The following ST6GALNAC3 variants were observed in gnomAD, a reference collection of about 807,000 sequenced individuals.
ST6GALNAC3 encodes alpha-N-acetylgalactosaminide alpha-2,6-sialyltransferase 3.
A neutral mutation model predicts 32.7 loss-of-function variants in ST6GALNAC3; 25 were observed. That is an observed-to-expected ratio of 0.76 (90% CI 0.56 to 1.07). ST6GALNAC3 has a LOEUF of 1.07. ST6GALNAC3 is among the 50% of genes least tolerant of loss of function. The pLI, the probability that ST6GALNAC3 is intolerant of heterozygous loss-of-function variation, is 0.00. For missense variants in ST6GALNAC3, 355 were observed against 382.4 expected, an observed-to-expected ratio of 0.93 and a Z score of 0.60; for synonymous variants, 129 against 133.1, an observed-to-expected ratio of 0.97 and a Z score of 0.21.
intron 1 of ST6GALNAC3, among the ~76,000 whole-genome samples, chr1:76,167,585 A>G (rs1652203812): frequency 6.6e-6 from 1 of 152,152 alleles, no homozygotes. Context: ...ATCTATGTAC[A>G]TCTGGTGGAA....
rs151254566 is a variant in ST6GALNAC3 at position 76,629,148 on chromosome 1, A to C, written c.*342A>C. On this transcript the variant is annotated 3_prime_UTR_variant, in exon 5 of 5. Transcript: ENST00000328299. The stretch of plus-strand genomic sequence containing the variant: ...AGCTGCCTAGAATTGTTCAACAGTG[A>C]GTAACTTCCAGAAGCCAAAAGAGTT... 2.2e-4 allele frequency: 225 copies of C among 1,030,946 alleles called. 1 individual carries two copies. The African/African-American group carries it at 3.6e-3, about 17-fold the overall frequency. The allele number at this position is 1,030,946 out of a possible 1,614,324, so 63.9% of individuals were successfully genotyped here.
chr1:76,608,136 A>G (rs1017893243), intron 3 of ST6GALNAC3, among the ~76,000 whole-genome samples: 3 of 152,234 alleles, frequency 2.0e-5, no homozygotes, highest in East Asian at 1.9e-4. Context: ...TCCCAAGCCA[A>G]TGAGGTATCT....
intron 1 of ST6GALNAC3, among the ~76,000 whole-genome samples, chr1:76,226,086 A>C (rs1408091168): frequency 6.6e-6 from 1 of 152,198 alleles, no homozygotes; most frequent in Non-Finnish European, 1.5e-5. Flanking sequence ...TTTTCCGTCC[A>C]GATAGATGAA....
chr1:76,347,634 A>T (rs1304037663), intron 2 of ST6GALNAC3, among the ~76,000 whole-genome samples: 2 of 152,080 alleles, frequency 1.3e-5, no homozygotes, highest in Non-Finnish European at 2.9e-5. Context: ...GCTACTCCTG[A>T]TGATATTGAC....
intron 3 of ST6GALNAC3, among the ~76,000 whole-genome samples, chr1:76,554,206 A>C (rs1664790132): frequency 6.6e-6 from 1 of 152,188 alleles, no homozygotes; most frequent in African/African-American, 2.4e-5. Context: ...AACAGCAACA[A>C]TTCATGTAGT....
chr1:76,257,510 T>G (rs963297072), intron 1 of ST6GALNAC3, among the ~76,000 whole-genome samples: 1 of 152,174 alleles, frequency 6.6e-6, no homozygotes, highest in African/African-American at 2.4e-5. Flanking sequence ...TGGTCGGGTT[T>G]GAAAAGCACT....
chr1:76,569,335 T>G (rs1443253021), intron 3 of ST6GALNAC3, among the ~76,000 whole-genome samples: 1 of 147,058 alleles, frequency 6.8e-6, no homozygotes, highest in African/African-American at 2.7e-5. Flanking sequence ...GATTTCAGCT[T>G]GGCAAAAATG....
At chr1:76,325,601 TTAGC>T (rs1233469054) in intron 2 of ST6GALNAC3, among the ~76,000 whole-genome samples, 2 of 150,938 alleles carry the variant, frequency 1.3e-5, no homozygotes, top group East Asian at 4.0e-4. Flanking sequence ...TTGAAGAAAG[TTAGC>T]TATCTTTCAG....
At chr1:76,585,044 T>G (rs191026103) in intron 3 of ST6GALNAC3, among the ~76,000 whole-genome samples, 1 of 142,974 alleles carries the variant, frequency 7.0e-6, no homozygotes, top group African/African-American at 3.1e-5. Context: ...CCTTGAGGAC[T>G]TGGGATTGTT....
intron 1 of ST6GALNAC3, among the ~76,000 whole-genome samples, chr1:76,255,833 G>GA (rs1308379697): frequency 3.3e-5 from 5 of 151,644 alleles, no homozygotes; most frequent in Admixed American, 6.6e-5. Flanking sequence ...TAGAAGAGTA[G>GA]AAAAAAGGAT....
intron 3 of ST6GALNAC3, among the ~76,000 whole-genome samples, chr1:76,610,725 T>G (rs6666898): frequency 1.2e-4 from 18 of 152,290 alleles, no homozygotes; most frequent in African/African-American, 4.3e-4. Context: ...CTGAGGCCAG[T>G]TCCTCCCCAA....
chr1:76,390,968 C>T, intron 2 of ST6GALNAC3, among the ~76,000 whole-genome samples: 1 of 95,326 alleles, frequency 1.0e-5, no homozygotes, highest in Non-Finnish European at 2.9e-5. Flanking sequence ...GAGATGGAGT[C>T]TCGCACTGTC....
At chr1:76,231,393 A>G (rs1337061578) in intron 1 of ST6GALNAC3, among the ~76,000 whole-genome samples, 2 of 152,200 alleles carry the variant, frequency 1.3e-5, no homozygotes, top group Non-Finnish European at 2.9e-5. Context: ...TAAGCGTACA[A>G]TTCAGCAGTA....
At chr1:76,439,958 A>G (rs1048627434) in intron 3 of ST6GALNAC3, among the ~76,000 whole-genome samples, 2 of 152,112 alleles carry the variant, frequency 1.3e-5, no homozygotes, top group Non-Finnish European at 2.9e-5. Context: ...TGTAGTAAAG[A>G]TTAAATTAGT....
chr1:76,607,355 T>C (rs1315218949), intron 3 of ST6GALNAC3, among the ~76,000 whole-genome samples: 1 of 152,152 alleles, frequency 6.6e-6, no homozygotes, highest in African/African-American at 2.4e-5. Flanking sequence ...TTAATGGCCA[T>C]TGATGGTTGA....
intron 1 of ST6GALNAC3, among the ~76,000 whole-genome samples, chr1:76,159,176 C>A (rs1651659709): frequency 6.6e-6 from 1 of 151,282 alleles, no homozygotes; most frequent in African/African-American, 2.4e-5. Context: ...GGCCTCTAGT[C>A]CTTTCCTTTT....
intron 1 of ST6GALNAC3, among the ~76,000 whole-genome samples, chr1:76,225,876 A>G (rs569632419): frequency 6.6e-6 from 1 of 152,256 alleles, no homozygotes; most frequent in African/African-American, 2.4e-5. Context: ...GACCCCAATT[A>G]TTACTTACTA....
chr1:76,264,155 G>C (rs1374473940), intron 1 of ST6GALNAC3, among the ~76,000 whole-genome samples: 2 of 152,126 alleles, frequency 1.3e-5, no homozygotes, highest in Non-Finnish European at 2.9e-5. Context: ...ACTTCTCAGC[G>C]AGTAGATAAT....
chr1:76,249,909 T>C (rs1440503542), intron 1 of ST6GALNAC3, among the ~76,000 whole-genome samples: 2 of 152,234 alleles, frequency 1.3e-5, no homozygotes, highest in African/African-American at 2.4e-5. Context: ...AATCTTTGGA[T>C]GAATGCATAT....
Sources: gnomAD v4.1 joint callset for allele counts (sites outside exome capture counted in the v4.1 genomes callset) on GRCh38, gnomAD v4.1.1 for gene constraint, MANE v1.5 for transcripts, NCBI Gene and HGNC (gene_info 2026-07-23, HGNC 2026-07-21) for gene names.